The following GALNT13 variants were observed in gnomAD, a reference collection of about 807,000 sequenced individuals.
The protein encoded by GALNT13 is polypeptide N-acetylgalactosaminyltransferase 13.
A neutral mutation model predicts 64.2 loss-of-function variants in GALNT13; 28 were observed. The ratio of observed to expected loss-of-function variants is 0.44; its 90% CI spans 0.32 to 0.60. The LOEUF (loss-of-function observed/expected upper bound fraction) is 0.60. Among genes scored for constraint, GALNT13 ranks in the 20% least tolerant of loss-of-function variants. The probability of loss-of-function intolerance (pLI) is 0.05; values close to 1 mark genes in which losing one functional copy is unlikely to be tolerated. For synonymous variants in GALNT13, 214 were observed against 224.6 expected (o/e 0.95, Z 0.42); for missense variants, 577 against 669.8 (o/e 0.86, Z 1.53).
rs142808854 is a variant in GALNT13 at position 153,948,969 on chromosome 2, C to T, written c.142+4330C>T. On this transcript the variant is annotated intron_variant, in intron 3 of 12. Coordinates refer to ENST00000392825, the MANE Select transcript of GALNT13 (RefSeq NM_052917.4). ...ACACATGTTTACTGATGGAACAAACCTGCACATGTGCCCCTGAACTTAAAA... is the reference window on the plus strand; with the variant it reads ...ACACATGTTTACTGATGGAACAAACTTGCACATGTGCCCCTGAACTTAAAA... Among the ~76,000 whole-genome samples, 420 of 149,772 alleles carry T rather than the reference C, an allele frequency of 2.8e-3. 4 individuals are homozygous for T. Among genetic ancestry groups the T allele is most frequent in the African/African-American group, 9.2e-3 (383 of 41,506 alleles).
chr2:153,659,586 G>A, the GALNT13 span, among the ~76,000 whole-genome samples: 3 of 151,928 alleles, frequency 2.0e-5, no homozygotes, highest in Non-Finnish European at 2.9e-5. Context: ...CTTTAAAGGC[G>A]ACATCCAAAA....
At chr2:154,378,707 ATTT>A (rs199778108) in intron 9 of GALNT13, among the ~76,000 whole-genome samples, 2 of 150,682 alleles carry the variant, frequency 1.3e-5, no homozygotes, top group Non-Finnish European at 3.0e-5. Flanking sequence ...CTTCTATTAA[ATTT>A]TTTTTTTAAA....
chr2:154,307,465 T>C (rs1693800832), intron 9 of GALNT13, among the ~76,000 whole-genome samples: 1 of 152,340 alleles, frequency 6.6e-6, no homozygotes, highest in Non-Finnish European at 1.5e-5. Context: ...TTTTTCACAA[T>C]ATCTACTATA....
the GALNT13 span, among the ~76,000 whole-genome samples, chr2:153,489,541 G>A: frequency 3.9e-5 from 6 of 152,062 alleles, no homozygotes; most frequent in Non-Finnish European, 8.8e-5. Flanking sequence ...TTTTCCTAAC[G>A]CAAGGTTATA....
chr2:154,206,252 C>T (rs866649053), intron 4 of GALNT13, among the ~76,000 whole-genome samples: 2 of 151,802 alleles, frequency 1.3e-5, no homozygotes, highest in African/African-American at 2.4e-5. Flanking sequence ...CCGCCCGCCT[C>T]GGCCTCCCAA....
At position 154,167,737 on chromosome 2, in the gene GALNT13, A is replaced by G. The variant is rs75575823; in HGVS notation, c.311+27232A>G. Among the ~76,000 whole-genome samples the G allele has an allele frequency of 5.1e-3, 772 of 152,242 alleles. 7 individuals are homozygous for G. Among genetic ancestry groups the G allele is most frequent in the African/African-American group, 0.017 (719 of 41,552 alleles). On this transcript the variant is annotated intron_variant, in intron 4 of 12. Transcript: ENST00000392825. ...ATGTGGGTATAAGTAGAGCAACCAC[A>G]TGGCATCAGAGCCCAAGCAGGTTGA...
chr2:153,163,880 T>C, the GALNT13 span, among the ~76,000 whole-genome samples: 17,256 of 151,834 alleles, frequency 0.11, 1,166 homozygotes, highest in Non-Finnish European at 0.15. Flanking sequence ...TGGCCGGGCG[T>C]GGTGGCGGGC....
the GALNT13 span, among the ~76,000 whole-genome samples, chr2:153,389,180 T>G: frequency 6.6e-6 from 1 of 152,230 alleles, no homozygotes; most frequent in East Asian, 1.9e-4. Context: ...AGGCTGTGTC[T>G]TCCCTGTTAC....
At chr2:154,446,444 C>G in intron 12 of GALNT13, 1 of 1,049,538 alleles carries the variant, frequency 9.5e-7, no homozygotes, top group African/African-American at 1.6e-5. Flanking sequence ...TCCATGGATA[C>G]AATTATTGTG....
At chr2:154,381,981 G>C (rs1427952335) in intron 9 of GALNT13, among the ~76,000 whole-genome samples, 1 of 152,048 alleles carries the variant, frequency 6.6e-6, no homozygotes, top group African/African-American at 2.4e-5. Context: ...TATATTTTAA[G>C]AAACACTCCT....
At chr2:153,777,638 C>A in the GALNT13 span, among the ~76,000 whole-genome samples, 1 of 152,146 alleles carries the variant, frequency 6.6e-6, no homozygotes, top group Non-Finnish European at 1.5e-5. Context: ...CTCCTTTGTA[C>A]CCCTCGCAGG....
intron 9 of GALNT13, among the ~76,000 whole-genome samples, chr2:154,353,237 AC>A (rs1265624742): frequency 1.3e-5 from 2 of 152,102 alleles, no homozygotes; most frequent in Non-Finnish European, 2.9e-5. Context: ...TATTCATGGA[AC>A]CCCTGTATAG....
the GALNT13 span, among the ~76,000 whole-genome samples, chr2:153,699,106 C>T: frequency 6.6e-6 from 1 of 152,114 alleles, no homozygotes; most frequent in East Asian, 1.9e-4. Flanking sequence ...TGCCTGTTCA[C>T]AGCTACTCGG....
At chr2:153,491,255 A>G in the GALNT13 span, among the ~76,000 whole-genome samples, 1 of 152,122 alleles carries the variant, frequency 6.6e-6, no homozygotes, top group Non-Finnish European at 1.5e-5. Context: ...TAAAAATTTA[A>G]CAGATATACA....
At chr2:153,268,867 C>T in the GALNT13 span, among the ~76,000 whole-genome samples, 1 of 152,196 alleles carries the variant, frequency 6.6e-6, no homozygotes, top group Non-Finnish European at 1.5e-5. Flanking sequence ...CCCTTTCAGC[C>T]ATCACCTGAG....
At chr2:153,478,765 A>G in the GALNT13 span, 1 of 563,914 alleles carries the variant, frequency 1.8e-6, no homozygotes, top group Non-Finnish European at 3.2e-6. Flanking sequence ...GCTCTTCTAA[A>G]GCCGTCCGCT....
At chr2:153,226,067 G>A in the GALNT13 span, among the ~76,000 whole-genome samples, 25 of 151,966 alleles carry the variant, frequency 1.6e-4, no homozygotes, top group African/African-American at 5.6e-4. Flanking sequence ...CTTAGTAGTA[G>A]CTGGGACTAC....
chr2:153,598,407 T>C, the GALNT13 span, among the ~76,000 whole-genome samples: 1 of 152,068 alleles, frequency 6.6e-6, no homozygotes, highest in Non-Finnish European at 1.5e-5. Flanking sequence ...TCTCCCTTCA[T>C]TCAGGTGGGT....
the GALNT13 span, among the ~76,000 whole-genome samples, chr2:153,137,199 A>G: frequency 2.0e-5 from 3 of 152,146 alleles, no homozygotes; most frequent in Admixed American, 6.6e-5. Flanking sequence ...GTTTTTGAAA[A>G]GGAATTATTG....
Sources: gnomAD v4.1 joint callset for allele counts (sites outside exome capture counted in the v4.1 genomes callset) on GRCh38, gnomAD v4.1.1 for gene constraint, MANE v1.5 for transcripts, NCBI Gene and HGNC (gene_info 2026-07-23, HGNC 2026-07-21) for gene names.